THAP6: variants seen among roughly 807,000 people sequenced by gnomAD.
The protein encoded by THAP6 is THAP domain-containing protein 6.
In THAP6, 13 loss-of-function variants were observed where a neutral mutation model predicts 20.0. The ratio of observed to expected loss-of-function variants is 0.65; its 90% CI spans 0.42 to 1.03. The LOEUF is 1.03. THAP6 is among the 50% of genes least tolerant of loss of function. THAP6 has a pLI of 0.00. For synonymous variants in THAP6, 93 were observed against 92.2 expected, an observed-to-expected ratio of 1.01 and a Z score of -0.05; for missense variants, 262 against 261.6, an observed-to-expected ratio of 1.00 and a Z score of -0.01.
At chr4:75,525,570 C>T (rs905702261) in intron 4 of THAP6, among the ~76,000 whole-genome samples, 6 of 152,142 alleles carry the variant, frequency 3.9e-5, no homozygotes, top group Admixed American at 6.6e-5. Flanking sequence ...ACATTTGTGT[C>T]AGTTCCGGCT....
In THAP6 at chr4:75,527,850, C is replaced by T. The variant is rs550640374; in HGVS notation, c.*636C>T. The T allele has an allele frequency of 4.1e-5, 40 of 985,408 alleles. No homozygotes were observed. The African/African-American group carries it at 6.5e-4, about 16-fold the overall frequency. 61.0% of individuals were successfully genotyped at this position (985,408 alleles called of 1,614,324 possible). ...CAGTTTTCAGTACAGTACATCATTCCTCCTCACTAGGAGCACTTTGATGTA... is the reference window on the plus strand; with the variant it reads ...CAGTTTTCAGTACAGTACATCATTCTTCCTCACTAGGAGCACTTTGATGTA... On this transcript the variant is annotated 3_prime_UTR_variant, in exon 5 of 5. Coordinates refer to ENST00000311638, the MANE Select transcript of THAP6 (RefSeq NM_144721.6).
intron 3 of THAP6, chr4:75,544,799 C>G (rs1443829611): frequency 6.6e-6 from 1 of 152,060 alleles, no homozygotes; most frequent in African/African-American, 2.4e-5. Context: ...GGTTCCCACT[C>G]CATTATTTAT....
intron 2 of THAP6, among the ~76,000 whole-genome samples, chr4:75,538,152 G>T (rs1004427440): frequency 6.6e-6 from 1 of 152,222 alleles, no homozygotes; most frequent in Non-Finnish European, 1.5e-5. Flanking sequence ...GATGAGCCAG[G>T]TAGGGCATGG....
Position 75,515,540 on chromosome 4 carries a change from T to C in THAP6, c.80+8T>C. On this transcript the variant is annotated splice_region_variant and intron_variant, in intron 2 of 4. Transcript: ENST00000311638. ...AGGACTGACATTTCACGTGTAAGAT[T>C]TTGCTGTAGTTAAGCCAAATACTTT... The C allele has an allele frequency of 6.2e-7, 1 of 1,612,974 alleles. No individual in the cohort carries two copies. Among genetic ancestry groups the C allele is most frequent in the South Asian group, 1.1e-5 (1 of 91,058 alleles).
At chr4:75,530,355 C>T (rs1394053570), downstream of THAP6, among the ~76,000 whole-genome samples, 3 of 152,338 alleles carry the variant, frequency 2.0e-5, no homozygotes, top group East Asian at 1.9e-4. Flanking sequence ...CATAGTGGAA[C>T]ATACAGGTTG....
chr4:75,534,382 C>G (rs1726791182), downstream of THAP6, among the ~76,000 whole-genome samples: 1 of 152,094 alleles, frequency 6.6e-6, no homozygotes, highest in Admixed American at 6.5e-5. Flanking sequence ...AAACTGGATC[C>G]CTTCCTGACA....
chr4:75,524,959 T>A (rs539570717), intron 4 of THAP6, among the ~76,000 whole-genome samples: 32 of 152,264 alleles, frequency 2.1e-4, no homozygotes, highest in African/African-American at 7.0e-4. Context: ...GATTTCTCCA[T>A]GTTGCCCAGG....
At chr4:75,544,167 A>C (rs1727074203) in intron 3 of THAP6, among the ~76,000 whole-genome samples, 1 of 152,210 alleles carries the variant, frequency 6.6e-6, no homozygotes, top group Non-Finnish European at 1.5e-5. Flanking sequence ...CAGCTTCAAC[A>C]GTTATAAAAC....
chr4:75,546,026 T>C (rs1393372905), intron 3 of THAP6, among the ~76,000 whole-genome samples: 1 of 152,230 alleles, frequency 6.6e-6, no homozygotes, highest in African/African-American at 2.4e-5. Context: ...TAGGGTTTTT[T>C]TCCTTCTCAG....
chr4:75,519,260 G>A (rs1052958311), intron 3 of THAP6, among the ~76,000 whole-genome samples: 1 of 150,346 alleles, frequency 6.7e-6, no homozygotes, highest in Non-Finnish European at 1.5e-5. Flanking sequence ...ATTGATAAAT[G>A]TTTGGGTAGT....
At chr4:75,514,695 G>A (rs1056481886) in intron 1 of THAP6, 175 bp downstream of exon 1, 2 of 164,962 alleles carry the variant, frequency 1.2e-5, no homozygotes, top group African/African-American at 4.8e-5. Context: ...CCCTCCGGTG[G>A]CGGGGAGCCT....
chr4:75,519,181 G>C (rs1725851328), intron 3 of THAP6, among the ~76,000 whole-genome samples: 1 of 152,106 alleles, frequency 6.6e-6, no homozygotes, highest in Non-Finnish European at 1.5e-5. Context: ...CCACATTGTA[G>C]CATGAGATAC....
At chr4:75,535,425 G>A (rs1214694326) in intron 2 of THAP6, among the ~76,000 whole-genome samples, 1 of 152,230 alleles carries the variant, frequency 6.6e-6, no homozygotes, top group Non-Finnish European at 1.5e-5. Flanking sequence ...ACTCCCAGCA[G>A]CTGGAGGAAT....
intron 3 of THAP6, among the ~76,000 whole-genome samples, chr4:75,545,441 C>T (rs1238619946): frequency 6.6e-6 from 1 of 152,164 alleles, no homozygotes; most frequent in Non-Finnish European, 1.5e-5. Context: ...GGTGCCTGAA[C>T]CCCCTTTTAG....
downstream of THAP6, among the ~76,000 whole-genome samples, chr4:75,534,837 A>G (rs1726804948): frequency 6.6e-6 from 1 of 152,250 alleles, no homozygotes; most frequent in South Asian, 2.1e-4. Flanking sequence ...CATCAGAGAA[A>G]TGCAAATCAA....
chr4:75,547,100 G>A (rs559063876), intron 3 of THAP6, among the ~76,000 whole-genome samples: 15 of 152,266 alleles, frequency 9.9e-5, no homozygotes, highest in African/African-American at 2.2e-4. Context: ...CTTCCCTGAC[G>A]CAGACTTGCT....
At chr4:75,531,682 C>T (rs976735839), downstream of THAP6, among the ~76,000 whole-genome samples, 1 of 152,038 alleles carries the variant, frequency 6.6e-6, no homozygotes, top group African/African-American at 2.4e-5. Context: ...TTCCACATGG[C>T]TGGGGAGGCC....
chr4:75,529,389 A>G lies in THAP6; in HGVS notation c.*2175A>G. 2.0e-6 allele frequency: 2 copies of G among 985,426 alleles called. No individual in the cohort carries two copies. The highest frequency in any genetic ancestry group is 6.1e-5 in the Admixed American group (1 of 16,292). 61.0% of individuals were successfully genotyped at this position (985,426 alleles called of 1,614,324 possible). A position where few individuals can be genotyped will look rare whatever the true frequency, so the allele number is the denominator to read the frequency against. ...ACAGTCACTTTTACTACTTGTGTTC[A>G]TAGTAGACTCAGCACTTCTTTTTCA... On this transcript the variant is annotated 3_prime_UTR_variant, in exon 5 of 5. Transcript: ENST00000311638.
At chr4:75,541,279 T>G (rs1726994622) in intron 2 of THAP6, among the ~76,000 whole-genome samples, 1 of 152,058 alleles carries the variant, frequency 6.6e-6, no homozygotes, top group Non-Finnish European at 1.5e-5. Context: ...GGCGTGCCCA[T>G]GGAATGAAAC....
Sources: gnomAD v4.1 joint callset for allele counts (sites outside exome capture counted in the v4.1 genomes callset) on GRCh38, gnomAD v4.1.1 for gene constraint, MANE v1.5 for transcripts, NCBI Gene and HGNC (gene_info 2026-07-23, HGNC 2026-07-21) for gene names.